Variants in FAM135A observed in about 807,000 individuals in gnomAD.
FAM135A encodes the protein protein FAM135A.
In FAM135A, 79 loss-of-function variants were observed where a neutral mutation model predicts 146.8. The observed-to-expected ratio is 0.54, with a 90% confidence interval of 0.45 to 0.65. The LOEUF (loss-of-function observed/expected upper bound fraction) is 0.65, where lower values mean the gene tolerates loss of function less well. Among genes scored for constraint, FAM135A ranks in the 30% least tolerant of loss-of-function variants. FAM135A has a pLI of 0.00. For synonymous variants in FAM135A, 562 were observed against 603.6 expected (o/e 0.93, Z 1.01); for missense variants, 1,623 against 1,758.2 (o/e 0.92, Z 1.38).
At position 70,525,819 on chromosome 6, in the gene FAM135A, C is replaced by T; in HGVS notation, c.2735C>T (p.Ser912Phe). 6.2e-7 allele frequency: 1 copy of T among 1,612,656 alleles called. No homozygotes were observed. The highest frequency in any genetic ancestry group is 2.2e-5 in the East Asian group (1 of 44,844). ...GACAATGAAACTGTAGCAATACATT[C>T]CTTAAATTCAAGCATTAAAGACCCT... is the stretch of plus-strand genomic sequence containing the variant. ...NLDNETVAIH[S>F]LNSSIKDPLQ... The change falls in exon 15 of 22, where the codon TCC (serine) becomes TTC (phenylalanine). Residue 912 changes from serine (S) to phenylalanine (F), a missense_variant. Coordinates refer to ENST00000418814, the MANE Select transcript of FAM135A (RefSeq NM_001162529.3).
chr6:70,501,601 G>A (rs1340335738), intron 11 of FAM135A, among the ~76,000 whole-genome samples: 1 of 152,216 alleles, frequency 6.6e-6, no homozygotes. Flanking sequence ...TTTTGTGCTT[G>A]TAACCCAAGG....
chr6:70,479,211 C>T (rs1363589492), intron 8 of FAM135A, among the ~76,000 whole-genome samples: 3 of 152,050 alleles, frequency 2.0e-5, no homozygotes, highest in Non-Finnish European at 4.4e-5. Context: ...TTTTTAAGGC[C>T]CTAATTAAAC....
At chr6:70,431,013 A>G (rs1771463419) in intron 4 of FAM135A, among the ~76,000 whole-genome samples, 1 of 152,166 alleles carries the variant, frequency 6.6e-6, no homozygotes, top group Non-Finnish European at 1.5e-5. Flanking sequence ...AGTGTAAGAT[A>G]GCATATTACA....
chr6:70,422,414 A>AC (rs1467130178), intron 2 of FAM135A, among the ~76,000 whole-genome samples: 1 of 152,148 alleles, frequency 6.6e-6, no homozygotes, highest in African/African-American at 2.4e-5. Context: ...CTTCTACTAC[A>AC]AAAATAAAAA....
intron 2 of FAM135A, among the ~76,000 whole-genome samples, chr6:70,420,288 T>C (rs1270951748): frequency 6.6e-6 from 1 of 152,200 alleles, no homozygotes; most frequent in Admixed American, 6.5e-5. Flanking sequence ...GAGAATCTGA[T>C]CATTCCCTGT....
chr6:70,506,450 T>C (rs1166596323), intron 12 of FAM135A, among the ~76,000 whole-genome samples: 1 of 152,154 alleles, frequency 6.6e-6, no homozygotes, highest in African/African-American at 2.4e-5. Flanking sequence ...TGTTATAACA[T>C]GAAAGCAGCC....
At chr6:70,501,376 G>C (rs1255147460) in intron 11 of FAM135A, among the ~76,000 whole-genome samples, 1 of 152,208 alleles carries the variant, frequency 6.6e-6, no homozygotes, top group Non-Finnish European at 1.5e-5. Flanking sequence ...GTCGGCTTCA[G>C]ACTGCTGTGC....
At chr6:70,427,497 A>G (rs9455100) in intron 3 of FAM135A, among the ~76,000 whole-genome samples, 40,527 of 150,838 alleles carry the variant, frequency 0.27, 7,000 homozygotes, top group African/African-American at 0.49. Context: ...GCGCCACTGC[A>G]CTCCAGCCTG....
Position 70,474,210 on chromosome 6 carries a change from T to G in FAM135A, c.158-1200T>G, listed in dbSNP as rs1040676477. On this transcript the variant is annotated intron_variant, in intron 5 of 21. Transcript: ENST00000418814. ...TATGTTGACATCCTCATGACTCCAG[T>G]TGGAGTCTTATATCCCATTTTGAGC... is the stretch of plus-strand genomic sequence containing the variant. 7.2e-5 allele frequency among the ~76,000 whole-genome samples: 11 copies of G among 152,302 alleles called. No homozygotes were observed. In the East Asian group the frequency reaches 2.1e-3, roughly 29 times the overall value.
Position 70,525,727 on chromosome 6 carries a change from A to G in FAM135A, c.2643A>G (p.Lys881=). Residue 881 remains lysine, a synonymous_variant, in exon 15 of 22, where the codon AAA becomes AAG. Transcript: ENST00000418814. ...ATCTAGGAACGACTGATTTGCCAAA[A>G]TGTGATGATACTAAAAAGTCAAGTA... The part of the protein sequence containing the change: ...VLNLGTTDLP[K]CDDTKKSSIT... 1 of 1,613,256 alleles carries G rather than the reference A, an allele frequency of 6.2e-7. No individual in the cohort carries two copies. The highest frequency in any genetic ancestry group is 8.5e-7 in the Non-Finnish European group (1 of 1,179,594).
At chr6:70,453,032 T>TGTTA (rs1306371856) in intron 5 of FAM135A, among the ~76,000 whole-genome samples, 2 of 152,176 alleles carry the variant, frequency 1.3e-5, no homozygotes, top group East Asian at 1.9e-4. Context: ...GAAATAGACA[T>TGTTA]GTTACAGCAG....
intron 11 of FAM135A, among the ~76,000 whole-genome samples, chr6:70,493,021 A>G (rs1786380712): frequency 6.6e-6 from 1 of 152,096 alleles, no homozygotes; most frequent in African/African-American, 2.4e-5. Flanking sequence ...AAATGTACAC[A>G]AATATAAGGA....
Position 70,433,370 on chromosome 6 carries a change from G to A in FAM135A, c.77+4951G>A, listed in dbSNP as rs55923686. Among the ~76,000 whole-genome samples, 891 of 152,154 alleles carry A rather than the reference G, an allele frequency of 5.9e-3. 3 individuals are homozygous for A. The highest frequency in any genetic ancestry group is 0.013 in the South Asian group (63 of 4,818). ...ATTACAGGCATGAGCCACCGCGCCC[G>A]GCCTTCAAGATACTTTTTAACATGA... On this transcript the variant is annotated intron_variant, in intron 4 of 21. Coordinates refer to ENST00000418814, the MANE Select transcript of FAM135A (RefSeq NM_001162529.3).
chr6:70,546,571 C>T (rs1188175549), intron 20 of FAM135A, among the ~76,000 whole-genome samples: 1 of 152,060 alleles, frequency 6.6e-6, no homozygotes, highest in Admixed American at 6.6e-5. Flanking sequence ...TTTTTAAAAG[C>T]CTAAAATAAT....
chr6:70,468,864 A>G (rs1318215415), intron 5 of FAM135A, among the ~76,000 whole-genome samples: 4 of 152,144 alleles, frequency 2.6e-5, no homozygotes, highest in Non-Finnish European at 5.9e-5. Context: ...GAGGACTTCT[A>G]TTCTCTTCAG....
intron 19 of FAM135A, among the ~76,000 whole-genome samples, chr6:70,536,998 C>T (rs1283610567): frequency 1.3e-5 from 2 of 148,658 alleles, no homozygotes; most frequent in Non-Finnish European, 3.0e-5. Context: ...TGCAGTGGCG[C>T]GATCTCGGCT....
intron 5 of FAM135A, among the ~76,000 whole-genome samples, chr6:70,472,234 C>T (rs557110272): frequency 3.8e-4 from 58 of 152,282 alleles, no homozygotes; most frequent in East Asian, 1.2e-3. Context: ...GCAGTGGATT[C>T]TCACCTCACG....
At chr6:70,431,955 T>C (rs1323997790) in intron 4 of FAM135A, among the ~76,000 whole-genome samples, 2 of 152,030 alleles carry the variant, frequency 1.3e-5, no homozygotes, top group Non-Finnish European at 2.9e-5. Flanking sequence ...AAACATAATA[T>C]CAACATGTAA....
Position 70,525,679 on chromosome 6 carries a change from A to G in FAM135A, c.2595A>G (p.Leu865=). 2 of 1,612,440 alleles carry G rather than the reference A, an allele frequency of 1.2e-6. No homozygotes were observed. The highest frequency in any genetic ancestry group is 1.1e-5 in the South Asian group (1 of 90,726). Residue 865 remains leucine (L), a synonymous_variant, in exon 15 of 22, where the codon CTA becomes CTG. Transcript: ENST00000418814. ...SKKSVVPECH[L]NDSKTVLNLG... ...AATCTGTTGTACCTGAATGCCATCT[A>G]AATGATAGCAAAACTGTATTAAATC...
Sources: allele counts gnomAD v4.1 joint callset (sites outside exome capture counted in the v4.1 genomes callset), GRCh38; gene constraint gnomAD v4.1.1; transcripts MANE v1.5; gene names NCBI Gene and HGNC (gene_info 2026-07-23, HGNC 2026-07-21).